Variants in FNIP2 observed in about 807,000 individuals in gnomAD.
FNIP2 encodes folliculin interacting protein 2.
Under a neutral mutation model 108.7 loss-of-function variants are expected in FNIP2, and 32 were observed. The observed-to-expected ratio is 0.29, with a 90% CI of 0.22 to 0.40. The LOEUF is 0.40. Ranked by LOEUF, FNIP2 falls within the 10% of genes least tolerant of loss-of-function variation. The pLI, the probability that FNIP2 is intolerant of heterozygous loss-of-function variation, is 1.00. For synonymous variants in FNIP2, 480 were observed against 496.7 expected, an observed-to-expected ratio of 0.97 and a Z score of 0.45; for missense variants, 1,202 against 1,381.6, an observed-to-expected ratio of 0.87 and a Z score of 2.06.
chr4:158,829,369 A>G (rs1352758884), intron 3 of FNIP2, 144 bp downstream of exon 3: 8 of 679,054 alleles, frequency 1.2e-5, no homozygotes, highest in Admixed American at 4.0e-5. Flanking sequence ...AATGTTTCAC[A>G]TCGATGTTGT....
chr4:158,900,881 T>C (rs906620122), intron 16 of FNIP2, among the ~76,000 whole-genome samples: 8 of 152,220 alleles, frequency 5.3e-5, no homozygotes, highest in Admixed American at 4.6e-4. Context: ...GTCATTATGA[T>C]GCTAGTTGGT....
Position 158,829,144 on chromosome 4 carries a change from C to CAGTA in FNIP2, c.301_304dup (p.Ser102LysfsTer2). 6.2e-7 allele frequency: 1 copy of CAGTA among 1,612,852 alleles called. No individual in the cohort carries two copies. Among genetic ancestry groups the CAGTA allele is most frequent in the Non-Finnish European group, 8.5e-7 (1 of 1,179,370 alleles). Reference sequence around the variant, plus strand: ...GCCAGGGAAGCAGCAGTGTCAGCAGCAGTAGCAGCAGCAGCATCTCTTCCC... The same window carrying CAGTA: ...GCCAGGGAAGCAGCAGTGTCAGCAGCAGTAAGTAGCAGCAGCAGCATCTCTTCCC... On this transcript the variant is annotated frameshift_variant, in exon 3 of 17. Coordinates refer to ENST00000264433, the MANE Select transcript of FNIP2 (RefSeq NM_020840.3). LOFTEE classifies it high-confidence loss of function.
chr4:158,893,736 ATAT>A, intron 15 of FNIP2: 1 of 1,538,544 alleles, frequency 6.5e-7, no homozygotes, highest in Non-Finnish European at 8.9e-7. Context: ...GAAGTAATGT[ATAT>A]TAGACTTCAT....
chr4:158,905,074 C>A lies in FNIP2; in HGVS notation c.*530C>A, dbSNP rs1729714064. 1 of 153,046 alleles carries A rather than the reference C, an allele frequency of 6.5e-6. No individual in the cohort carries two copies. The highest frequency in any genetic ancestry group is 1.5e-5 in the Non-Finnish European group (1 of 68,610). 9.5% of individuals were successfully genotyped at this position (153,046 alleles called of 1,614,324 possible). A position where few individuals can be genotyped will look rare whatever the true frequency, so the allele number is the denominator to read the frequency against. On this transcript the variant is annotated 3_prime_UTR_variant, in exon 17 of 17. Coordinates refer to ENST00000264433, the MANE Select transcript of FNIP2 (RefSeq NM_020840.3). The stretch of plus-strand genomic sequence containing the variant: ...GTAAAGCAAAGAAAGCCACATTGTG[C>A]CATCTTCAGCTCCAGTGGCTTTAGC...
In FNIP2 at chr4:158,891,657, G is replaced by A; in HGVS notation, c.3150+11G>A. ...CTCCCTGCTGATTTTGTAAGTACTG[G>A]TTCTTATATCACCAAAGAAATCTAG... On this transcript the variant is annotated intron_variant, in intron 15 of 16. Transcript: ENST00000264433. 1.3e-6 allele frequency: 2 copies of A among 1,596,436 alleles called. No homozygotes were observed. The highest frequency in any genetic ancestry group is 8.6e-7 in the Non-Finnish European group (1 of 1,168,678).
intron 12 of FNIP2, among the ~76,000 whole-genome samples, chr4:158,867,350 G>A (rs1049815828): frequency 1.3e-5 from 2 of 152,030 alleles, no homozygotes; most frequent in East Asian, 1.9e-4. Context: ...ACACCAGCAC[G>A]CTCGCCTAAT....
intron 1 of FNIP2, among the ~76,000 whole-genome samples, chr4:158,806,949 G>C (rs888776973): frequency 1.3e-5 from 2 of 152,102 alleles, no homozygotes; most frequent in African/African-American, 4.8e-5. Context: ...TAATAATGGA[G>C]CTTGTCTAAA....
Position 158,861,498 on chromosome 4 carries a change from A to T in FNIP2, c.1295+10A>T. 6.2e-7 allele frequency: 1 copy of T among 1,613,902 alleles called. No homozygotes were observed. Among genetic ancestry groups the T allele is most frequent in the Admixed American group, 1.7e-5 (1 of 59,994 alleles). On this transcript the variant is annotated intron_variant, in intron 11 of 16. Coordinates refer to ENST00000264433, the MANE Select transcript of FNIP2 (RefSeq NM_020840.3). Reference sequence around the variant, plus strand: ...AGATAAATAAAAACCAGTAAGCTTCAACTCTCTGGAGACTTGTATGCAAAT... The same window carrying T: ...AGATAAATAAAAACCAGTAAGCTTCTACTCTCTGGAGACTTGTATGCAAAT...
chr4:158,841,642 G>A (rs1779138665), intron 7 of FNIP2, among the ~76,000 whole-genome samples: 1 of 152,180 alleles, frequency 6.6e-6, no homozygotes, highest in African/African-American at 2.4e-5. Flanking sequence ...TCTTATCTGA[G>A]CCCTGGCAGT....
At position 158,872,407 on chromosome 4, in the gene FNIP2, G is replaced by GT. The variant is rs1398405106; in HGVS notation, c.2949+1939dup. On this transcript the variant is annotated intron_variant, in intron 14 of 16. Coordinates refer to ENST00000264433, the MANE Select transcript of FNIP2 (RefSeq NM_020840.3). ...CTGTCATTACTCTTCAAGCTTTTTCGTATTTCATTTTCCCTTCCTTTTAGA... is the reference window on the plus strand; with the variant it reads ...CTGTCATTACTCTTCAAGCTTTTTCGTTATTTCATTTTCCCTTCCTTTTAGA... 1.1e-5 allele frequency: 11 copies of GT among 985,110 alleles called. No individual in the cohort carries two copies. The African/African-American group carries it at 1.9e-4, about 17-fold the overall frequency. The allele number at this position is 985,110 out of a possible 1,614,324, so 61.0% of individuals were successfully genotyped here.
At chr4:158,824,640 A>G (rs1002364222) in intron 1 of FNIP2, among the ~76,000 whole-genome samples, 2 of 151,616 alleles carry the variant, frequency 1.3e-5, no homozygotes, top group Non-Finnish European at 2.9e-5. Flanking sequence ...TTCCACCCCC[A>G]TTTTCCTTAA....
At chr4:158,894,608 C>G (rs940976311) in intron 15 of FNIP2, among the ~76,000 whole-genome samples, 3 of 152,052 alleles carry the variant, frequency 2.0e-5, no homozygotes, top group Non-Finnish European at 4.4e-5. Flanking sequence ...AGAAAGGGTT[C>G]AATGTAATAT....
chr4:158,791,714 C>T (rs1385921956), intron 1 of FNIP2, among the ~76,000 whole-genome samples: 2 of 152,200 alleles, frequency 1.3e-5, no homozygotes, highest in Non-Finnish European at 2.9e-5. Flanking sequence ...TAATGCCTCC[C>T]TGCCCAGACG....
intron 7 of FNIP2, among the ~76,000 whole-genome samples, chr4:158,842,505 CTCTT>C (rs1779184289): frequency 2.0e-5 from 3 of 152,136 alleles, no homozygotes; most frequent in African/African-American, 4.8e-5. Flanking sequence ...TTGTAGACAC[CTCTT>C]TCTTAGAGCC....
chr4:158,877,152 G>A (rs1386043269), intron 14 of FNIP2, among the ~76,000 whole-genome samples: 2 of 152,006 alleles, frequency 1.3e-5, no homozygotes, highest in South Asian at 2.1e-4. Flanking sequence ...CTCAACTTCC[G>A]ACTGAATTTT....
At chr4:158,807,504 T>A (rs1777034909) in intron 1 of FNIP2, among the ~76,000 whole-genome samples, 1 of 152,126 alleles carries the variant, frequency 6.6e-6, no homozygotes, top group African/African-American at 2.4e-5. Context: ...CTCTGTCGCT[T>A]TAAAAATAAT....
intron 1 of FNIP2, among the ~76,000 whole-genome samples, chr4:158,801,937 ATC>A (rs1776777034): frequency 6.6e-6 from 1 of 152,132 alleles, no homozygotes; most frequent in South Asian, 2.1e-4. Flanking sequence ...CTGATCCTGG[ATC>A]TGTCTCCAAA....
At chr4:158,898,156 G>A (rs771280064) in intron 16 of FNIP2, among the ~76,000 whole-genome samples, 20 of 152,084 alleles carry the variant, frequency 1.3e-4, no homozygotes, top group Non-Finnish European at 2.6e-4. Context: ...GTAGATGTGT[G>A]GTGGTATTTC....
chr4:158,895,863 G>A lies in FNIP2; in HGVS notation c.3264G>A (p.Leu1088=). The A allele has an allele frequency of 1.9e-6, 3 of 1,607,872 alleles. No homozygotes were observed. The highest frequency in any genetic ancestry group is 2.6e-6 in the Non-Finnish European group (3 of 1,175,304). Residue 1088 remains leucine, a splice_region_variant and synonymous_variant, in exon 16 of 17, where the codon CTG becomes CTA. Transcript: ENST00000264433. ...ATGTGAAAGAATTAGGTGTCGTACT[G>A]GGGTGAGTTCTGTGAAGTGCCGTCA... ...RVHVKELGVV[L]GIESNDLPLL...
Sources: gnomAD v4.1 joint callset for allele counts (sites outside exome capture counted in the v4.1 genomes callset) on GRCh38, gnomAD v4.1.1 for gene constraint, MANE v1.5 for transcripts, NCBI Gene and HGNC (gene_info 2026-07-23, HGNC 2026-07-21) for gene names.